SEC14L6: variants seen among roughly 807,000 people sequenced by gnomAD.
SEC14L6 encodes SEC14 like lipid binding 6, also known as SEC14-like protein 6.
SEC14L6 carries 40 observed loss-of-function variants against 54.1 expected under a neutral mutation model. The observed-to-expected ratio is 0.74, with a 90% CI of 0.57 to 0.96. The LOEUF (loss-of-function observed/expected upper bound fraction) is 0.96. SEC14L6 is among the 40% of genes least tolerant of loss of function. The pLI, the probability that SEC14L6 is intolerant of heterozygous loss-of-function variation, is 0.00. For synonymous variants in SEC14L6, 171 were observed against 198.4 expected (o/e 0.86, Z 1.16); for missense variants, 471 against 498.3 (o/e 0.95, Z 0.52).
chr22:30,538,418 A>G (rs1001179090), intron 2 of SEC14L6, among the ~76,000 whole-genome samples: 5 of 152,158 alleles, frequency 3.3e-5, no homozygotes, highest in Non-Finnish European at 7.3e-5. Flanking sequence ...AGATACCACC[A>G]CTTCCTCCCT....
intron 8 of SEC14L6, among the ~76,000 whole-genome samples, chr22:30,527,768 A>G (rs1358612736): frequency 6.8e-6 from 1 of 147,160 alleles, no homozygotes; most frequent in Admixed American, 6.9e-5. Context: ...CCTTTGGGGG[A>G]TAAAAATCTC....
intron 8 of SEC14L6, 48 bp downstream of exon 8, chr22:30,529,039 T>A (rs1936874826): frequency 1.4e-6 from 2 of 1,454,078 alleles, no homozygotes; most frequent in Non-Finnish European, 1.9e-6. Flanking sequence ...AGGACCACCC[T>A]CAGCTCAGGA....
intron 1 of SEC14L6, among the ~76,000 whole-genome samples, chr22:30,539,715 A>G (rs1361462834): frequency 6.6e-6 from 1 of 152,226 alleles, no homozygotes; most frequent in Non-Finnish European, 1.5e-5. Flanking sequence ...ACACTTAAGC[A>G]GGGCTGAGCT....
At position 30,529,354 on chromosome 22, in the gene SEC14L6, G is replaced by A. The variant is rs747594388; in HGVS notation, c.520-5C>T. ...TGCTTCAAGTGCTGAGAAAAACTGC[G>A]GAACCAAGTGGCAGAAGTGATGGGC... On this transcript the variant is annotated splice_polypyrimidine_tract_variant and splice_region_variant and intron_variant, in intron 6 of 11. Coordinates refer to ENST00000402034, the MANE Select transcript of SEC14L6 (RefSeq NM_001193336.4). The A allele has an allele frequency of 2.3e-5, 35 of 1,549,840 alleles. No individual in the cohort carries two copies. Among genetic ancestry groups the A allele is most frequent in the African/African-American group, 2.7e-5 (2 of 72,986 alleles).
chr22:30,542,919 CG>C, intron 1 of SEC14L6: 1 of 1,601,046 alleles, frequency 6.2e-7, no homozygotes, highest in East Asian at 2.2e-5. Context: ...CAGCAGATGC[CG>C]GCACCTACTA....
In SEC14L6 at chr22:30,532,648, G is replaced by T; in HGVS notation, c.300C>A (p.Tyr100Ter). Residue 100 changes from tyrosine to a stop codon, truncating the protein, a stop_gained, in exon 5 of 12, where the codon TAC becomes TAA. Coordinates refer to ENST00000402034, the MANE Select transcript of SEC14L6 (RefSeq NM_001193336.4). LOFTEE classifies it high-confidence loss of function. ...GHDGEGSPVW[Y>*]HIVGSLDPKG... ...TGGGGTCCAGGCTTCCCACAATGTG[G>T]TACCAGACAGGGCTGCCCTCACCGT... is the stretch of plus-strand genomic sequence containing the variant. 1.3e-6 allele frequency: 2 copies of T among 1,550,864 alleles called. No individual in the cohort carries two copies. Among genetic ancestry groups the T allele is most frequent in the Non-Finnish European group, 1.7e-6 (2 of 1,147,080 alleles).
rs1353258722 is a variant in SEC14L6, at chr22:30,523,502, T to TCGCCGCCACC, written c.*1485_*1494dup. ...CCCAAGTAGCTGGGACTGCAGGCAC[T>TCGCCGCCACC]CGCCGCCACCACACCCAACTAATTT... On this transcript the variant is annotated 3_prime_UTR_variant, in exon 12 of 12. Coordinates refer to ENST00000402034, the MANE Select transcript of SEC14L6 (RefSeq NM_001193336.4). The TCGCCGCCACC allele has an allele frequency of 2.0e-5, 3 of 152,052 alleles. No homozygotes were observed. Among genetic ancestry groups the TCGCCGCCACC allele is most frequent in the African/African-American group, 7.3e-5 (3 of 41,362 alleles). 9.4% of individuals were successfully genotyped at this position (152,052 alleles called of 1,614,324 possible).
At chr22:30,530,270 C>T (rs1220181355) in intron 6 of SEC14L6, among the ~76,000 whole-genome samples, 1 of 152,044 alleles carries the variant, frequency 6.6e-6, no homozygotes, top group African/African-American at 2.4e-5. Context: ...ATTAGTTGGG[C>T]GTGGTGGCGG....
At chr22:30,533,236 G>A (rs1404715947) in intron 3 of SEC14L6, 1 of 769,234 alleles carries the variant, frequency 1.3e-6, no homozygotes, top group Non-Finnish European at 1.6e-6. Context: ...CCTGGCTGAT[G>A]TGTTGGGGCC....
chr22:30,524,904 C>T lies in SEC14L6; in HGVS notation c.*93G>A, dbSNP rs1390503090. 2 of 715,796 alleles carry T rather than the reference C, an allele frequency of 2.8e-6. No individual in the cohort carries two copies. The highest frequency in any genetic ancestry group is 3.5e-5 in the African/African-American group (2 of 57,196). 44.3% of individuals were successfully genotyped at this position (715,796 alleles called of 1,614,324 possible). The stretch of plus-strand genomic sequence containing the variant: ...ACCTGCTGTTGTAGAATCCCTGTTC[C>T]TGAGAGGTTGAACAGGGTCTGGCCA... On this transcript the variant is annotated 3_prime_UTR_variant, in exon 12 of 12. Coordinates refer to ENST00000402034, the MANE Select transcript of SEC14L6 (RefSeq NM_001193336.4).
chr22:30,541,609 G>C (rs2085713161), intron 1 of SEC14L6, among the ~76,000 whole-genome samples: 1 of 151,842 alleles, frequency 6.6e-6, no homozygotes, highest in Non-Finnish European at 1.5e-5. Flanking sequence ...AGTGAGCCAA[G>C]ATCACATCAC....
intron 1 of SEC14L6, chr22:30,544,009 A>AC: frequency 6.3e-7 from 1 of 1,593,822 alleles, no homozygotes; most frequent in Non-Finnish European, 8.6e-7. Flanking sequence ...CCTCAACCGG[A>AC]CCCCCAAGCA....
chr22:30,541,456 C>G (rs1568975132), intron 1 of SEC14L6, among the ~76,000 whole-genome samples: 1 of 152,052 alleles, frequency 6.6e-6, no homozygotes, highest in Non-Finnish European at 1.5e-5. Context: ...GCCAGGAGTT[C>G]GAGACTAGTC....
chr22:30,543,896 G>A (rs1292210323), intron 1 of SEC14L6: 47 of 1,589,326 alleles, frequency 3.0e-5, no homozygotes, highest in Non-Finnish European at 3.7e-5. Context: ...CCTGCTCCCC[G>A]GGCCGCGGAG....
At chr22:30,543,207 C>A (rs2085755526) in intron 1 of SEC14L6, 1 of 1,603,694 alleles carries the variant, frequency 6.2e-7, no homozygotes, top group African/African-American at 1.3e-5. Flanking sequence ...ACAGCACAGC[C>A]AATGTGGTGC....
intron 1 of SEC14L6, among the ~76,000 whole-genome samples, chr22:30,542,187 C>T (rs891286961): frequency 1.3e-5 from 2 of 152,196 alleles, no homozygotes; most frequent in Non-Finnish European, 2.9e-5. Flanking sequence ...TCCTTCACCT[C>T]GGCACGGCTC....
intron 8 of SEC14L6, among the ~76,000 whole-genome samples, chr22:30,527,352 T>C (rs1431935743): frequency 6.6e-6 from 1 of 151,670 alleles, no homozygotes; most frequent in Non-Finnish European, 1.5e-5. Flanking sequence ...ATAAAGAAAA[T>C]GTCCAACCTC....
rs1348713847 is a variant in SEC14L6, at chr22:30,524,735, TG to T, written c.*261del. 1 of 372,912 alleles carries T rather than the reference TG, an allele frequency of 2.7e-6. No homozygotes were observed. Among genetic ancestry groups the T allele is most frequent in the African/African-American group, 2.0e-5 (1 of 48,986 alleles). The allele number at this position is 372,912 out of a possible 1,614,324, so 23.1% of individuals were successfully genotyped here. On this transcript the variant is annotated 3_prime_UTR_variant, in exon 12 of 12. Coordinates refer to ENST00000402034, the MANE Select transcript of SEC14L6 (RefSeq NM_001193336.4). The stretch of plus-strand genomic sequence containing the variant: ...TGGTATTGGTTGATAGAAAAAAGCC[TG>T]GGGTTTTTGCTGAGCTTGAGGTCAC...
At chr22:30,541,130 CT>C (rs2085701019) in intron 1 of SEC14L6, among the ~76,000 whole-genome samples, 1 of 152,022 alleles carries the variant, frequency 6.6e-6, no homozygotes, top group South Asian at 2.1e-4. Flanking sequence ...GACTTTTCCC[CT>C]AGCTTTGTTT....
Sources: gnomAD v4.1 joint callset for allele counts (sites outside exome capture counted in the v4.1 genomes callset) on GRCh38, gnomAD v4.1.1 for gene constraint, MANE v1.5 for transcripts, NCBI Gene and HGNC (gene_info 2026-07-23, HGNC 2026-07-21) for gene names.